The following ZNF385D variants were observed in gnomAD, a reference collection of about 807,000 sequenced individuals.
ZNF385D encodes zinc finger protein 385D.
In ZNF385D, 15 loss-of-function variants were observed where a neutral mutation model predicts 35.8. That is an observed-to-expected ratio of 0.42 (90% CI 0.28 to 0.64). ZNF385D has a LOEUF of 0.64. Ranked by LOEUF, ZNF385D falls within the 30% of genes least tolerant of loss-of-function variation. The probability of loss-of-function intolerance (pLI) is 0.23; values close to 1 mark genes in which losing one functional copy is unlikely to be tolerated. For synonymous variants in ZNF385D, 212 were observed against 186.8 expected, an observed-to-expected ratio of 1.13 and a Z score of -1.10; for missense variants, 474 against 494.6, an observed-to-expected ratio of 0.96 and a Z score of 0.39.
intron 3 of ZNF385D, among the ~76,000 whole-genome samples, chr3:22,161,141 G>A (rs1705922880): frequency 6.6e-6 from 1 of 151,912 alleles, no homozygotes; most frequent in Admixed American, 6.6e-5. Context: ...GCAAATATGA[G>A]TAAAATCTTA....
intron 1 of ZNF385D, among the ~76,000 whole-genome samples, chr3:21,731,032 T>C (rs2068972759): frequency 2.0e-5 from 3 of 152,204 alleles, no homozygotes; most frequent in South Asian, 2.1e-4. Context: ...ATATACAGTA[T>C]ATTCCTATTA....
chr3:22,129,904 C>T (rs535014364), intron 3 of ZNF385D, among the ~76,000 whole-genome samples: 5 of 152,276 alleles, frequency 3.3e-5, no homozygotes, highest in South Asian at 4.1e-4. Context: ...ATGGTCACCA[C>T]AGCTGGGAGT....
intron 3 of ZNF385D, among the ~76,000 whole-genome samples, chr3:22,050,362 A>AC (rs1413773316): frequency 3.3e-5 from 5 of 151,854 alleles, no homozygotes; most frequent in South Asian, 2.1e-4. Flanking sequence ...ACTCTGTCAA[A>AC]AAAACAAACA....
chr3:22,063,024 C>T (rs747625971), intron 3 of ZNF385D, among the ~76,000 whole-genome samples: 5 of 151,982 alleles, frequency 3.3e-5, no homozygotes, highest in South Asian at 2.1e-4. Flanking sequence ...AGAAATTACA[C>T]GGGATAATTT....
chr3:22,296,146 A>C (rs1702564720), intron 2 of ZNF385D, among the ~76,000 whole-genome samples: 1 of 152,086 alleles, frequency 6.6e-6, no homozygotes, highest in Non-Finnish European at 1.5e-5. Context: ...GATGTCACTC[A>C]CTCCAGATAA....
chr3:21,620,995 T>TGG (rs2064990370), intron 2 of ZNF385D, among the ~76,000 whole-genome samples: 1 of 150,848 alleles, frequency 6.6e-6, no homozygotes, highest in African/African-American at 2.4e-5. Context: ...CATGTGTGTG[T>TGG]GCGCACACAC....
intron 2 of ZNF385D, among the ~76,000 whole-genome samples, chr3:22,181,462 C>A (rs988341430): frequency 6.6e-6 from 1 of 151,816 alleles, no homozygotes; most frequent in Non-Finnish European, 1.5e-5. Context: ...TTTGGGAGGC[C>A]GAGGCGGGCG....
intron 3 of ZNF385D, among the ~76,000 whole-genome samples, chr3:21,777,365 C>T (rs2071328621): frequency 1.3e-5 from 2 of 151,808 alleles, no homozygotes; most frequent in Non-Finnish European, 2.9e-5. Flanking sequence ...CCCTAAATGC[C>T]CTCTCTCTCT....
intron 3 of ZNF385D, among the ~76,000 whole-genome samples, chr3:21,818,912 T>A (rs1411140264): frequency 2.0e-5 from 3 of 152,014 alleles, no homozygotes; most frequent in Non-Finnish European, 4.4e-5. Flanking sequence ...CGTGAATGAA[T>A]CTAAACCAAC....
intron 3 of ZNF385D, among the ~76,000 whole-genome samples, chr3:21,999,038 T>C (rs1434161393): frequency 6.6e-6 from 1 of 152,228 alleles, no homozygotes. Flanking sequence ...TAAAAGGCTT[T>C]ACTACACCTC....
chr3:22,352,927 A>C (rs1695983219), intron 2 of ZNF385D, among the ~76,000 whole-genome samples: 1 of 152,152 alleles, frequency 6.6e-6, no homozygotes, highest in Non-Finnish European at 1.5e-5. Flanking sequence ...TGTGATTAGA[A>C]GCTCTCTTCC....
chr3:22,205,236 A>T (rs1223675695), intron 2 of ZNF385D, among the ~76,000 whole-genome samples: 1 of 151,898 alleles, frequency 6.6e-6, no homozygotes, highest in Non-Finnish European at 1.5e-5. Context: ...CCGAAGGAAA[A>T]AATATTTTAT....
chr3:21,457,753 A>G (rs537833462), intron 4 of ZNF385D, among the ~76,000 whole-genome samples: 1 of 152,248 alleles, frequency 6.6e-6, no homozygotes, highest in South Asian at 2.1e-4. Flanking sequence ...TTTATTTAAA[A>G]CCTCAGCTGT....
At chr3:22,152,033 G>A (rs1005854316) in intron 3 of ZNF385D, among the ~76,000 whole-genome samples, 6 of 151,976 alleles carry the variant, frequency 3.9e-5, no homozygotes, top group Non-Finnish European at 7.4e-5. Context: ...AGGGTTCAGG[G>A]TTTGTTGTTC....
chr3:22,323,869 G>A (rs1364007168), intron 2 of ZNF385D, among the ~76,000 whole-genome samples: 1 of 152,128 alleles, frequency 6.6e-6, no homozygotes, highest in Non-Finnish European at 1.5e-5. Context: ...ATTGCTAAAA[G>A]TCACATAACT....
intron 2 of ZNF385D, among the ~76,000 whole-genome samples, chr3:21,588,904 T>C (rs190094739): frequency 6.6e-6 from 1 of 152,200 alleles, no homozygotes; most frequent in African/African-American, 2.4e-5. Flanking sequence ...AAATGTAATA[T>C]GCTCATACAT....
At chr3:21,725,560 C>T (rs559472231) in intron 1 of ZNF385D, among the ~76,000 whole-genome samples, 5 of 152,246 alleles carry the variant, frequency 3.3e-5, no homozygotes, top group South Asian at 2.1e-4. Context: ...AACACTCCTA[C>T]ACAAATAAAC....
At chr3:21,941,502 T>A (rs1217340825) in intron 3 of ZNF385D, among the ~76,000 whole-genome samples, 13 of 135,988 alleles carry the variant, frequency 9.6e-5, no homozygotes, top group Non-Finnish European at 6.3e-5. Flanking sequence ...TTTTTTTTTT[T>A]TTTTTTTTTT....
intron 3 of ZNF385D, among the ~76,000 whole-genome samples, chr3:21,940,959 A>C (rs1559775063): frequency 6.6e-6 from 1 of 152,226 alleles, no homozygotes; most frequent in African/African-American, 2.4e-5. Flanking sequence ...ATGTTTCATC[A>C]AAGGCTGAAA....
Sources: allele counts gnomAD v4.1 joint callset (sites outside exome capture counted in the v4.1 genomes callset), GRCh38; gene constraint gnomAD v4.1.1; transcripts MANE v1.5; gene names NCBI Gene and HGNC (gene_info 2026-07-23, HGNC 2026-07-21).